DLGAP2: variants seen among roughly 807,000 people sequenced by gnomAD.
The protein encoded by DLGAP2 is DLG associated protein 2, also known as disks large-associated protein 2.
In DLGAP2, 26 loss-of-function variants were observed where a neutral mutation model predicts 100.3. The ratio of observed to expected loss-of-function variants is 0.26; its 90% CI spans 0.19 to 0.36. The LOEUF (loss-of-function observed/expected upper bound fraction) is 0.36, where lower values mean the gene tolerates loss of function less well. DLGAP2 is among the 10% of genes least tolerant of loss of function. DLGAP2 has a pLI of 1.00. For missense variants in DLGAP2, 1,858 were observed against 1,453.2 expected (o/e 1.28, Z -4.53); for synonymous variants, 886 against 630.1 (o/e 1.41, Z -6.08).
At chr8:1,586,067 A>G (rs1796108971) in intron 6 of DLGAP2, among the ~76,000 whole-genome samples, 1 of 152,198 alleles carries the variant, frequency 6.6e-6, no homozygotes. Flanking sequence ...AACTGCCACA[A>G]ACTTAGTGTC....
chr8:1,637,473 G>A (rs74440168), intron 8 of DLGAP2, among the ~76,000 whole-genome samples: 5,410 of 152,010 alleles, frequency 0.036, 140 homozygotes, highest in South Asian at 0.06. Context: ...CAACAGCTAT[G>A]CACTGCGAGG....
chr8:1,062,269 G>A (rs762963319), intron 2 of DLGAP2, among the ~76,000 whole-genome samples: 3 of 152,156 alleles, frequency 2.0e-5, no homozygotes, highest in Non-Finnish European at 4.4e-5. Flanking sequence ...TCGCAGTCCT[G>A]TGCCTGCCAC....
intron 2 of DLGAP2, among the ~76,000 whole-genome samples, chr8:1,144,105 G>T (rs10046782): frequency 0.34 from 51,869 of 152,142 alleles, 10,281 homozygotes; most frequent in Non-Finnish European, 0.45. Context: ...TGTGAGGAAT[G>T]ATATCGAGTA....
At chr8:1,225,325 C>T (rs1009899079) in intron 2 of DLGAP2, among the ~76,000 whole-genome samples, 1 of 152,142 alleles carries the variant, frequency 6.6e-6, no homozygotes, top group Non-Finnish European at 1.5e-5. Context: ...AGAAGCCAGA[C>T]AAAAAATGTC....
At chr8:1,670,028 C>T (rs1032703243) in intron 10 of DLGAP2, among the ~76,000 whole-genome samples, 11 of 149,700 alleles carry the variant, frequency 7.3e-5, no homozygotes, top group African/African-American at 2.4e-5. Flanking sequence ...AGGGTGCCAT[C>T]GCCCGTCTCC....
At chr8:1,149,017 T>C (rs774852086) in intron 2 of DLGAP2, among the ~76,000 whole-genome samples, 2 of 152,230 alleles carry the variant, frequency 1.3e-5, no homozygotes, top group Non-Finnish European at 2.9e-5. Flanking sequence ...TTTATCCAGG[T>C]TTGTTTATTT....
intron 3 of DLGAP2, among the ~76,000 whole-genome samples, chr8:1,262,803 C>T (rs1009041042): frequency 6.6e-6 from 1 of 152,118 alleles, no homozygotes; most frequent in Non-Finnish European, 1.5e-5. Context: ...TCTTTTTAAG[C>T]TTTATTGACA....
At chr8:1,133,797 C>G (rs114988560) in intron 2 of DLGAP2, among the ~76,000 whole-genome samples, 1 of 151,710 alleles carries the variant, frequency 6.6e-6, no homozygotes, top group Non-Finnish European at 1.5e-5. Flanking sequence ...TTGTAATGAA[C>G]ATCACTCAGT....
chr8:1,002,529 G>A (rs1228474951), intron 2 of DLGAP2: 2 of 152,256 alleles, frequency 1.3e-5, no homozygotes, highest in African/African-American at 2.4e-5. Context: ...TGGGTACCTG[G>A]AAGCTCACGA....
At chr8:1,288,072 A>G (rs1799980945) in intron 3 of DLGAP2, among the ~76,000 whole-genome samples, 1 of 114,300 alleles carries the variant, frequency 8.7e-6, no homozygotes, top group African/African-American at 3.6e-5. Flanking sequence ...TAGGAGGGGA[A>G]CTAGTTTCGG....
intron 1 of DLGAP2, among the ~76,000 whole-genome samples, chr8:813,708 G>A (rs868443892): frequency 1.3e-5 from 2 of 152,082 alleles, no homozygotes; most frequent in Non-Finnish European, 2.9e-5. Context: ...CAAAAGTGGG[G>A]GCACTTCCCT....
At chr8:871,214 G>A (rs946191341) in intron 1 of DLGAP2, among the ~76,000 whole-genome samples, 1 of 152,154 alleles carries the variant, frequency 6.6e-6, no homozygotes, top group Admixed American at 6.5e-5. Flanking sequence ...TTGCAGGCCC[G>A]GTCCAGGGTC....
intron 6 of DLGAP2, 70 bp from the exon 7 acceptor site, chr8:1,626,670 T>C (rs73671260): frequency 0.12 from 174,906 of 1,520,452 alleles, 10,472 homozygotes; most frequent in African/African-American, 0.14. Flanking sequence ...GTGGGTTGGA[T>C]GGTCATTCCC....
At chr8:1,270,532 G>C (rs1170387163) in intron 3 of DLGAP2, among the ~76,000 whole-genome samples, 2 of 152,208 alleles carry the variant, frequency 1.3e-5, no homozygotes, top group African/African-American at 4.8e-5. Flanking sequence ...AGCGGACAGA[G>C]TCAGGCCAGG....
intron 3 of DLGAP2, among the ~76,000 whole-genome samples, chr8:1,364,504 G>GGC (rs1563107097): frequency 2.7e-5 from 4 of 150,356 alleles, no homozygotes; most frequent in African/African-American, 9.8e-5. Flanking sequence ...GGGAAGGGCG[G>GGC]GGGGGGTGCA....
intron 2 of DLGAP2, among the ~76,000 whole-genome samples, chr8:971,718 G>C (rs968734577): frequency 6.6e-6 from 1 of 152,150 alleles, no homozygotes; most frequent in African/African-American, 2.4e-5. Context: ...TACTCTCAGA[G>C]GATTGTATTC....
intron 3 of DLGAP2, chr8:1,302,154 T>C (rs930801703): frequency 6.6e-6 from 1 of 151,994 alleles, no homozygotes; most frequent in Non-Finnish European, 1.5e-5. Context: ...GACTCGGCAT[T>C]TTCTGTGAGT....
intron 2 of DLGAP2, among the ~76,000 whole-genome samples, chr8:1,056,449 C>A (rs1264179137): frequency 6.6e-6 from 1 of 152,162 alleles, no homozygotes; most frequent in East Asian, 1.9e-4. Context: ...AATTTTGGAA[C>A]TTTTTTTCAT....
intron 7 of DLGAP2, among the ~76,000 whole-genome samples, chr8:1,630,574 C>A (rs1020660176): frequency 6.6e-6 from 1 of 151,984 alleles, no homozygotes; most frequent in South Asian, 2.1e-4. Flanking sequence ...TGGTAGCGGG[C>A]ACCTGTGGTC....
Sources: allele counts gnomAD v4.1 joint callset (sites outside exome capture counted in the v4.1 genomes callset), GRCh38; gene constraint gnomAD v4.1.1; transcripts MANE v1.5; gene names NCBI Gene and HGNC (gene_info 2026-07-23, HGNC 2026-07-21).